The following SLC7A1 variants were observed in gnomAD, a reference collection of about 807,000 sequenced individuals.
The protein encoded by SLC7A1 is high affinity cationic amino acid transporter 1.
In SLC7A1, 10 loss-of-function variants were observed where a neutral mutation model predicts 53.9. That is an observed-to-expected ratio of 0.19 (90% CI 0.11 to 0.31). The LOEUF (loss-of-function observed/expected upper bound fraction) is 0.31. Ranked by LOEUF, SLC7A1 falls within the 10% of genes least tolerant of loss-of-function variation. The probability of loss-of-function intolerance (pLI) is 1.00; values close to 1 mark genes in which losing one functional copy is unlikely to be tolerated. For missense variants in SLC7A1, 525 were observed against 827.2 expected, an observed-to-expected ratio of 0.63 and a Z score of 4.48; for synonymous variants, 342 against 338.7, an observed-to-expected ratio of 1.01 and a Z score of -0.11.
At chr13:29,521,889 C>T (rs2139076906) in intron 8 of SLC7A1, among the ~76,000 whole-genome samples, 1 of 152,328 alleles carries the variant, frequency 6.6e-6, no homozygotes, top group Non-Finnish European at 1.5e-5. Context: ...TTTCATAAAA[C>T]ACTGATCATA....
chr13:29,557,778 AG>A (rs1870508605), intron 1 of SLC7A1, among the ~76,000 whole-genome samples: 1 of 67,992 alleles, frequency 1.5e-5, no homozygotes, highest in African/African-American at 6.7e-5. Flanking sequence ...TGAGTGAGGG[AG>A]GAGTGAATGT....
chr13:29,553,731 TC>T (rs1870304282), intron 2 of SLC7A1, 29 bp downstream of exon 2: 1 of 152,192 alleles, frequency 6.6e-6, no homozygotes, highest in Non-Finnish European at 1.5e-5. Flanking sequence ...TAACATATAT[TC>T]TGCTGTCGTG....
rs1445317895 is a variant in SLC7A1 at position 29,509,610 on chromosome 13, A to G, written c.*4870T>C. The G allele has an allele frequency of 6.6e-6, 1 of 152,620 alleles. No individual in the cohort carries two copies. Among genetic ancestry groups the G allele is most frequent in the African/African-American group, 2.4e-5 (1 of 41,468 alleles). The allele number at this position is 152,620 out of a possible 1,614,324, so 9.5% of individuals were successfully genotyped here. A position where few individuals can be genotyped will look rare whatever the true frequency, so the allele number is the denominator to read the frequency against. ...ACACTTGTCCTTAAAGTAAAATAAA[A>G]GCAGGAGAGACCCAGCAGAGACCAA... On this transcript the variant is annotated 3_prime_UTR_variant, in exon 13 of 13. Transcript: ENST00000380752.
At position 29,516,120 on chromosome 13, in the gene SLC7A1, G is replaced by GGCA; in HGVS notation, c.1786+15_1786+17dup. ...GGGAAGCCAGGATCTTGGACGTGCT[G>GGCA]GCAGCAGCATCACATACCTATCAGC... On this transcript the variant is annotated intron_variant, in intron 12 of 12. Transcript: ENST00000380752. 6.5e-7 allele frequency: 1 copy of GGCA among 1,528,256 alleles called. No homozygotes were observed. Among genetic ancestry groups the GGCA allele is most frequent in the South Asian group, 1.1e-5 (1 of 88,072 alleles). The allele number at this position is 1,528,256 out of a possible 1,614,324, so 94.7% of individuals were successfully genotyped here. A position where few individuals can be genotyped will look rare whatever the true frequency, so the allele number is the denominator to read the frequency against.
At chr13:29,574,406 C>T (rs1205197428) in intron 1 of SLC7A1, among the ~76,000 whole-genome samples, 2 of 152,148 alleles carry the variant, frequency 1.3e-5, no homozygotes, top group Admixed American at 1.3e-4. Context: ...CTAGTGCTCA[C>T]GTGAACAAGA....
intron 5 of SLC7A1, 44 bp downstream of exon 5, chr13:29,530,494 C>T: frequency 1.9e-6 from 3 of 1,571,744 alleles, no homozygotes; most frequent in Non-Finnish European, 2.6e-6. Flanking sequence ...CAATCTATGT[C>T]ATTAAATGTC....
At chr13:29,581,398 A>G (rs1005087191) in intron 1 of SLC7A1, among the ~76,000 whole-genome samples, 1 of 151,908 alleles carries the variant, frequency 6.6e-6, no homozygotes, top group Non-Finnish European at 1.5e-5. Flanking sequence ...TGCTAGGCAT[A>G]AAGCTCTGAA....
At chr13:29,517,841 C>A in intron 9 of SLC7A1, 51 bp from the exon 10 acceptor site, 2 of 1,443,918 alleles carry the variant, frequency 1.4e-6, no homozygotes, top group South Asian at 2.3e-5. Flanking sequence ...AGCAAAATGA[C>A]GTGCACCAAC....
At chr13:29,552,301 T>A (rs1410329903) in intron 2 of SLC7A1, among the ~76,000 whole-genome samples, 1 of 152,010 alleles carries the variant, frequency 6.6e-6, no homozygotes, top group Non-Finnish European at 1.5e-5. Flanking sequence ...TTCCCTCTAT[T>A]TTTTGTGATA....
intron 2 of SLC7A1, among the ~76,000 whole-genome samples, chr13:29,553,541 G>A (rs753273262): frequency 2.0e-5 from 3 of 152,204 alleles, no homozygotes; most frequent in Non-Finnish European, 4.4e-5. Context: ...AAAGTGAGAA[G>A]ACAAGCTTGT....
chr13:29,565,575 C>A (rs79187698), intron 1 of SLC7A1, among the ~76,000 whole-genome samples: 3,128 of 152,314 alleles, frequency 0.021, 106 homozygotes, highest in African/African-American at 0.071. Flanking sequence ...TTGGTCCACA[C>A]TTGTACACTC....
At chr13:29,573,075 A>T (rs959849420) in intron 1 of SLC7A1, among the ~76,000 whole-genome samples, 3 of 152,236 alleles carry the variant, frequency 2.0e-5, no homozygotes, top group Non-Finnish European at 2.9e-5. Context: ...AACATGAAAA[A>T]TGTAAATGGT....
At chr13:29,557,602 T>C (rs1870493990) in intron 1 of SLC7A1, among the ~76,000 whole-genome samples, 1 of 150,014 alleles carries the variant, frequency 6.7e-6, no homozygotes, top group South Asian at 2.2e-4. Context: ...ACCATGAACT[T>C]ACCATGAACG....
chr13:29,537,249 T>A (rs914558660), intron 2 of SLC7A1, among the ~76,000 whole-genome samples: 4 of 152,170 alleles, frequency 2.6e-5, no homozygotes, highest in Non-Finnish European at 4.4e-5. Context: ...CCGAGGCCAA[T>A]AACAGTGACA....
intron 1 of SLC7A1, among the ~76,000 whole-genome samples, chr13:29,563,456 G>A (rs542083132): frequency 2.9e-4 from 44 of 152,306 alleles, no homozygotes; most frequent in South Asian, 6.2e-4. Context: ...ACAGGAAAGC[G>A]AAACTCTGTC....
chr13:29,520,525 C>T (rs1868589326), intron 8 of SLC7A1, among the ~76,000 whole-genome samples: 1 of 152,192 alleles, frequency 6.6e-6, no homozygotes, highest in Non-Finnish European at 1.5e-5. Context: ...GAATTAAAAC[C>T]TGCACCCTTA....
In SLC7A1 at chr13:29,554,358, A is replaced by G. The variant is rs560923754; in HGVS notation, c.-114-498T>C. Reference sequence around the variant, plus strand: ...ATCGAGAATTTAGTGATGGAGTTCTATGGGTACTATTAACAGCTGCCATGG... The same window carrying G: ...ATCGAGAATTTAGTGATGGAGTTCTGTGGGTACTATTAACAGCTGCCATGG... On this transcript the variant is annotated intron_variant, in intron 1 of 12. Transcript: ENST00000380752. Among the ~76,000 whole-genome samples, 7 of 152,284 alleles carry G rather than the reference A, an allele frequency of 4.6e-5. No homozygotes were observed. The East Asian group carries it at 1.2e-3, about 25-fold the overall frequency.
intron 1 of SLC7A1, among the ~76,000 whole-genome samples, chr13:29,556,432 C>T (rs762374982): frequency 1.3e-5 from 2 of 152,032 alleles, no homozygotes; most frequent in Non-Finnish European, 2.9e-5. Context: ...CGACAGAATG[C>T]AGTGGCACAA....
chr13:29,561,433 G>T (rs538725655), intron 1 of SLC7A1, among the ~76,000 whole-genome samples: 1 of 152,310 alleles, frequency 6.6e-6, no homozygotes, highest in East Asian at 1.9e-4. Context: ...CAAGCCCTTT[G>T]GGATGGCCAG....
Sources: gnomAD v4.1 joint callset for allele counts (sites outside exome capture counted in the v4.1 genomes callset) on GRCh38, gnomAD v4.1.1 for gene constraint, MANE v1.5 for transcripts, NCBI Gene and HGNC (gene_info 2026-07-23, HGNC 2026-07-21) for gene names.